Variants in NACC1 observed in about 807,000 individuals in gnomAD.
The protein encoded by NACC1 is nucleus accumbens-associated protein 1.
In NACC1, 6 loss-of-function variants were observed where a neutral mutation model predicts 41.7. That is an observed-to-expected ratio of 0.14 (90% confidence interval 0.08 to 0.28). The LOEUF (loss-of-function observed/expected upper bound fraction) is 0.28. Among genes scored for constraint, NACC1 ranks in the 10% least tolerant of loss-of-function variants. NACC1 has a pLI of 1.00. For synonymous variants in NACC1, 338 were observed against 330.6 expected (o/e 1.02, Z -0.24); for missense variants, 434 against 763.7 (o/e 0.57, Z 5.09).
chr19:13,138,324 C>A lies in NACC1; in HGVS notation c.1502C>A (p.Pro501Gln). 1 of 1,614,104 alleles carries A rather than the reference C, an allele frequency of 6.2e-7. No homozygotes were observed. The highest frequency in any genetic ancestry group is 8.5e-7 in the Non-Finnish European group (1 of 1,180,028). ...ATCAGTGAAACGGGCAAGATCGAGC[C>A]GGACATGATGGGTGTGGAGCATGGC... ...TFISETGKIEPDMMGVEHGFE... is the reference protein window; with the variant it reads ...TFISETGKIEQDMMGVEHGFE... Residue 501 changes from proline (P) to glutamine (Q), a missense_variant, in exon 6 of 6, where the codon CCG (proline) becomes CAG (glutamine). Coordinates refer to ENST00000292431, the MANE Select transcript of NACC1 (RefSeq NM_052876.4). The surrounding 1 kb of genome is among the most constrained non-coding windows in gnomAD (Gnocchi z 5.7).
At chr19:13,122,895 C>T (rs1045910953) in intron 1 of NACC1, among the ~76,000 whole-genome samples, 5 of 152,070 alleles carry the variant, frequency 3.3e-5, no homozygotes, top group African/African-American at 7.3e-5. Context: ...GCACCGACTA[C>T]GGGGCGAGCG....
chr19:13,140,766 C>T lies in NACC1; in HGVS notation c.*2360C>T, dbSNP rs1170018553. ...CCTGCCATTCACCCTCCACCCCTAC[C>T]CCTGGGCGGCCTGCTGCTTTTTCCT... On this transcript the variant is annotated 3_prime_UTR_variant, in exon 6 of 6. Transcript: ENST00000292431. This position sits in a 1 kb window ranked among gnomAD's most constrained non-coding sequence, Gnocchi z 4.0. 1 of 153,228 alleles carries T rather than the reference C, an allele frequency of 6.5e-6. No individual in the cohort carries two copies. Among genetic ancestry groups the T allele is most frequent in the East Asian group, 1.9e-4 (1 of 5,220 alleles). 9.5% of individuals were successfully genotyped at this position (153,228 alleles called of 1,614,324 possible). A position where few individuals can be genotyped will look rare whatever the true frequency, so the allele number is the denominator to read the frequency against.
rs1296895546 is a variant in NACC1, at chr19:13,141,014, C to T, written c.*2608C>T. The stretch of plus-strand genomic sequence containing the variant: ...AACGCCCTCCCCACCCTGGGCCGAG[C>T]CCCCACCCCTCCCTGGGCCCCCAAG... On this transcript the variant is annotated 3_prime_UTR_variant, in exon 6 of 6. Coordinates refer to ENST00000292431, the MANE Select transcript of NACC1 (RefSeq NM_052876.4). 1 of 152,510 alleles carries T rather than the reference C, an allele frequency of 6.6e-6. No individual in the cohort carries two copies. The highest frequency in any genetic ancestry group is 1.5e-5 in the Non-Finnish European group (1 of 68,012). 9.4% of individuals were successfully genotyped at this position (152,510 alleles called of 1,614,324 possible).
chr19:13,118,899 G>A (rs1051333351), intron 1 of NACC1, among the ~76,000 whole-genome samples: 3 of 150,156 alleles, frequency 2.0e-5, no homozygotes, highest in African/African-American at 7.4e-5. Context: ...GGGCCTGCAG[G>A]TACCGCCTGG....
intron 1 of NACC1, among the ~76,000 whole-genome samples, chr19:13,127,393 T>G (rs1229114342): frequency 2.3e-5 from 3 of 132,764 alleles, no homozygotes; most frequent in Non-Finnish European, 4.7e-5. Context: ...TTTTTTTTTT[T>G]TTTTTTTCGG....
chr19:13,132,841 C>T lies in NACC1; in HGVS notation c.-8-2359C>T, dbSNP rs373316563. On this transcript the variant is annotated intron_variant, in intron 1 of 5. Transcript: ENST00000292431. ...TGAGTTTGTAGAATCAGGTTGACCT[C>T]CTCAGCCTCGATTTCCAAATGGAGA... 1.4e-4 allele frequency among the ~76,000 whole-genome samples: 22 copies of T among 152,260 alleles called. No homozygotes were observed. In the South Asian group the frequency reaches 4.6e-3, roughly 32 times the overall value.
At position 13,136,320 on chromosome 19, in the gene NACC1, T is replaced by C; in HGVS notation, c.1035T>C (p.Ala345=). Residue 345 remains alanine, a synonymous_variant, in exon 3 of 6, where the codon GCT becomes GCC. Transcript: ENST00000292431. This position sits in a 1 kb window ranked among gnomAD's most constrained non-coding sequence, Gnocchi z 5.5. ...RVRQDLASLP[A]ELINQIGNRC... is the part of the protein sequence containing the mutation. ...GGCAAGACCTGGCGTCTCTCCCGGC[T>C]GAACTTATCAACCAGATTGGGAACC... 1 of 1,614,078 alleles carries C rather than the reference T, an allele frequency of 6.2e-7. No homozygotes were observed. Among genetic ancestry groups the C allele is most frequent in the Middle Eastern group, 1.6e-4 (1 of 6,062 alleles).
upstream of NACC1, among the ~76,000 whole-genome samples, chr19:13,117,945 G>T (rs2019414191): frequency 1.3e-5 from 2 of 152,208 alleles, no homozygotes; most frequent in African/African-American, 4.8e-5. Context: ...AGAATGTAAC[G>T]CAGTGCCTGC....
At chr19:13,134,049 G>GTTAT (rs748022109) in intron 1 of NACC1, among the ~76,000 whole-genome samples, 30 of 152,140 alleles carry the variant, frequency 2.0e-4, no homozygotes, top group East Asian at 1.2e-3. Flanking sequence ...TTTCATGTAA[G>GTTAT]TTATTTATTT....
chr19:13,131,032 C>G (rs1486189734), intron 1 of NACC1, among the ~76,000 whole-genome samples: 1 of 152,158 alleles, frequency 6.6e-6, no homozygotes, highest in Non-Finnish European at 1.5e-5. Flanking sequence ...AGTGTTATCT[C>G]TGTCCTGGCA....
At chr19:13,119,824 C>G (rs1275709753) in intron 1 of NACC1, among the ~76,000 whole-genome samples, 1 of 152,198 alleles carries the variant, frequency 6.6e-6, no homozygotes, top group Non-Finnish European at 1.5e-5. Flanking sequence ...CTGTGCCGAG[C>G]TCGCTGGTCG....
Position 13,136,010 on chromosome 19 carries a change from G to T in NACC1, c.803G>T (p.Ser268Ile). ...GAGCGGACCAGCCCAGGCACCTCAA[G>T]CGCCTACACCAGCGACAGCCCTGGC... ...TSERTSPGTS[S>I]AYTSDSPGSY... Residue 268 changes from serine to isoleucine, a missense_variant, in exon 2 of 6, where the codon AGC becomes ATC. By Grantham distance (142) the Ser-to-Ile change is moderately radical (BLOSUM62 -2). Coordinates refer to ENST00000292431, the MANE Select transcript of NACC1 (RefSeq NM_052876.4). The surrounding 1 kb of genome is among the most constrained non-coding windows in gnomAD (Gnocchi z 5.5). The T allele has an allele frequency of 1.2e-6, 2 of 1,613,512 alleles. No homozygotes were observed. Among genetic ancestry groups the T allele is most frequent in the Non-Finnish European group, 1.7e-6 (2 of 1,179,834 alleles).
chr19:13,123,426 G>T (rs568849506), intron 1 of NACC1, among the ~76,000 whole-genome samples: 1 of 152,174 alleles, frequency 6.6e-6, no homozygotes, highest in African/African-American at 2.4e-5. Context: ...CCAGATTGCC[G>T]AGGGCTGCGA....
Position 13,138,104 on chromosome 19 carries a change from C to A in NACC1, c.1325-43C>A. 6.2e-7 allele frequency: 1 copy of A among 1,601,430 alleles called. No homozygotes were observed. The highest frequency in any genetic ancestry group is 1.1e-5 in the South Asian group (1 of 89,562). ...GCTGGTGAGTAGGCCTTGTGGGAGTCACCTGGCCCCCGTGCCAAGGCCGCA... is the reference window on the plus strand; with the variant it reads ...GCTGGTGAGTAGGCCTTGTGGGAGTAACCTGGCCCCCGTGCCAAGGCCGCA... On this transcript the variant is annotated intron_variant, in intron 5 of 5. Coordinates refer to ENST00000292431, the MANE Select transcript of NACC1 (RefSeq NM_052876.4). This position sits in a 1 kb window ranked among gnomAD's most constrained non-coding sequence, Gnocchi z 5.7.
chr19:13,136,222 C>T lies in NACC1; in HGVS notation c.947-10C>T, dbSNP rs749840489. 6.2e-7 allele frequency: 1 copy of T among 1,609,430 alleles called. No individual in the cohort carries two copies. Among genetic ancestry groups the T allele is most frequent in the East Asian group, 2.3e-5 (1 of 44,344 alleles). Reference sequence around the variant, plus strand: ...CCTCCTGCCACTCGCGTGCCACTCTCTCCCTGCAGCCGAGAAGGTGGAGGC... The same window carrying T: ...CCTCCTGCCACTCGCGTGCCACTCTTTCCCTGCAGCCGAGAAGGTGGAGGC... On this transcript the variant is annotated splice_polypyrimidine_tract_variant and intron_variant, in intron 2 of 5. Coordinates refer to ENST00000292431, the MANE Select transcript of NACC1 (RefSeq NM_052876.4). This position sits in a 1 kb window ranked among gnomAD's most constrained non-coding sequence, Gnocchi z 5.5.
At chr19:13,134,872 C>A (rs1228487366) in intron 1 of NACC1, among the ~76,000 whole-genome samples, 2 of 152,250 alleles carry the variant, frequency 1.3e-5, no homozygotes, top group African/African-American at 2.4e-5. Flanking sequence ...CCTAGCCACT[C>A]TTCCGAGCAC....
At chr19:13,122,024 C>A (rs547952096) in intron 1 of NACC1, among the ~76,000 whole-genome samples, 1 of 152,176 alleles carries the variant, frequency 6.6e-6, no homozygotes, top group Admixed American at 6.5e-5. Context: ...CTACTGCCTT[C>A]CCCTAGAGAA....
chr19:13,118,120 G>T (rs754624220), upstream of NACC1: 1 of 152,094 alleles, frequency 6.6e-6, no homozygotes, highest in Non-Finnish European at 1.5e-5. Flanking sequence ...GCATAGAGAG[G>T]AGACGGAGCC....
chr19:13,135,123 TA>T, intron 1 of NACC1, 76 bp from the exon 2 acceptor site: 1 of 1,454,182 alleles, frequency 6.9e-7, no homozygotes, highest in Non-Finnish European at 9.1e-7. Flanking sequence ...GGGCCAGGGC[TA>T]GGCCAGCACC....
Sources: gnomAD v4.1 joint callset for allele counts (sites outside exome capture counted in the v4.1 genomes callset) on GRCh38, gnomAD v4.1.1 for gene constraint, Gnocchi (gnomAD v3.1) non-coding constraint, MANE v1.5 for transcripts, NCBI Gene and HGNC (gene_info 2026-07-23, HGNC 2026-07-21) for gene names.